Variants in INTS8 observed in about 807,000 individuals in gnomAD.
INTS8 encodes protein kaonashi-1.
A neutral mutation model predicts 138.9 loss-of-function variants in INTS8; 47 were observed. The observed-to-expected ratio is 0.34, with a 90% CI of 0.27 to 0.43. The LOEUF (loss-of-function observed/expected upper bound fraction) is 0.43, where lower values mean the gene tolerates loss of function less well. INTS8 is among the 20% of genes least tolerant of loss of function. The probability of loss-of-function intolerance (pLI) is 1.00; values close to 1 mark genes in which losing one functional copy is unlikely to be tolerated. For missense variants in INTS8, 996 were observed against 1,173.0 expected (o/e 0.85, Z 2.20); for synonymous variants, 392 against 400.9 (o/e 0.98, Z 0.27).
intron 3 of INTS8, 103 bp from the exon 4 acceptor site, chr8:94,827,618 AT>A: frequency 9.1e-7 from 1 of 1,099,122 alleles, no homozygotes. Flanking sequence ...CCATGTGTCA[AT>A]TAATGCTTCA....
At chr8:94,853,644 T>C in intron 13 of INTS8, 161 bp from the exon 14 acceptor site, 2 of 489,056 alleles carry the variant, frequency 4.1e-6, no homozygotes, top group Non-Finnish European at 3.7e-6. Flanking sequence ...AATGTGTTCA[T>C]TTTCGTTAGT....
chr8:94,865,033 A>G (rs984088094), intron 16 of INTS8, among the ~76,000 whole-genome samples: 7 of 151,682 alleles, frequency 4.6e-5, no homozygotes, highest in East Asian at 1.9e-4. Flanking sequence ...TTTAGTGATT[A>G]AAAGTTGTAT....
chr8:94,836,254 G>C lies in INTS8; in HGVS notation c.754-270G>C, dbSNP rs116284454. On this transcript the variant is annotated intron_variant, in intron 6 of 26. Coordinates refer to ENST00000523731, the MANE Select transcript of INTS8 (RefSeq NM_017864.4). ...CTCATCCTGACTGCATGCCTCCTTTGCCCTTTTTTCTAGTCAGATTCTTTA... is the reference window on the plus strand; with the variant it reads ...CTCATCCTGACTGCATGCCTCCTTTCCCCTTTTTTCTAGTCAGATTCTTTA... Among the ~76,000 whole-genome samples the C allele has an allele frequency of 6.6e-3, 998 of 152,144 alleles. 8 individuals are homozygous for C. Among genetic ancestry groups the C allele is most frequent in the African/African-American group, 0.023 (938 of 41,502 alleles).
rs370047374 is a variant in INTS8 at position 94,851,684 on chromosome 8, A to G, written c.1639A>G (p.Lys547Glu). Residue 547 changes from lysine (K) to glutamate (E), a missense_variant and splice_region_variant, in exon 13 of 27, where the codon AAG becomes GAG. Physicochemically the swap from Lys to Glu is moderately conservative, Grantham distance 56. Transcript: ENST00000523731. ...SERQFWTVSNKWEVPSVYSGV... is the reference protein window; with the variant it reads ...SERQFWTVSNEWEVPSVYSGV... ...GCGCCAGTTCTGGACAGTGTCTAAT[A>G]AGGTAAACCCTATGTCAAGAACAGA... 2.0e-4 allele frequency: 312 copies of G among 1,586,494 alleles called. 1 individual carries two copies. Among genetic ancestry groups the G allele is most frequent in the Non-Finnish European group, 2.5e-4 (295 of 1,171,938 alleles).
At chr8:94,849,680 T>C in intron 11 of INTS8, 148 bp downstream of exon 11, 1 of 618,396 alleles carries the variant, frequency 1.6e-6, no homozygotes, top group South Asian at 2.4e-5. Flanking sequence ...AGTTCAAATT[T>C]GTATAGCCAC....
In INTS8 at chr8:94,832,048, C is replaced by G. The variant is rs140588875; in HGVS notation, c.627C>G (p.Asn209Lys). The G allele has an allele frequency of 1.9e-6, 3 of 1,613,040 alleles. No individual in the cohort carries two copies. The highest frequency in any genetic ancestry group is 2.5e-6 in the Non-Finnish European group (3 of 1,179,668). Residue 209 changes from asparagine (N) to lysine (K), a missense_variant, in exon 6 of 27, where the codon AAC becomes AAG. Physicochemically the swap from Asn to Lys is moderately conservative, Grantham distance 94 (BLOSUM62 0). Transcript: ENST00000523731. ...ILVLEAALKLNKDLYVHTMRT... is the reference protein window; with the variant it reads ...ILVLEAALKLKKDLYVHTMRT... ...TACTAGAAGCAGCCCTAAAATTAAA[C>G]AAGGATCTTTATGTCCATACGATGA... is the stretch of plus-strand genomic sequence containing the variant.
chr8:94,835,198 C>T (rs575873008), intron 6 of INTS8, among the ~76,000 whole-genome samples: 3 of 152,238 alleles, frequency 2.0e-5, no homozygotes, highest in Admixed American at 1.3e-4. Context: ...ATATTACGAG[C>T]TTAGGAATCT....
chr8:94,826,678 G>A (rs1001458272), intron 2 of INTS8, among the ~76,000 whole-genome samples: 3 of 152,206 alleles, frequency 2.0e-5, no homozygotes, highest in African/African-American at 7.2e-5. Context: ...AATGATTTGG[G>A]AAGTGGGGAA....
intron 26 of INTS8, chr8:94,876,731 C>T: frequency 2.5e-6 from 1 of 404,264 alleles, no homozygotes; most frequent in South Asian, 5.0e-5. Context: ...CTTCTCATCT[C>T]ATACAAAGTT....
At chr8:94,844,556 A>T (rs1168245134) in intron 10 of INTS8, among the ~76,000 whole-genome samples, 1 of 151,964 alleles carries the variant, frequency 6.6e-6, no homozygotes, top group Non-Finnish European at 1.5e-5. Context: ...ACCTCAAGTG[A>T]TCCACCCACT....
intron 18 of INTS8, 79 bp downstream of exon 18, chr8:94,866,270 A>T (rs758375314): frequency 6.5e-6 from 5 of 766,976 alleles, no homozygotes; most frequent in Admixed American, 5.6e-5. Flanking sequence ...GGTACTTCAA[A>T]TACTGACTAA....
intron 14 of INTS8, among the ~76,000 whole-genome samples, chr8:94,856,041 GCAATACTAGGTC>G (rs1240616032): frequency 2.0e-5 from 3 of 152,196 alleles, no homozygotes; most frequent in African/African-American, 7.2e-5. Flanking sequence ...CCTAGGGAAT[GCAATACTAGGTC>G]CAAGAAATAG....
intron 12 of INTS8, among the ~76,000 whole-genome samples, chr8:94,851,007 T>C (rs1423933023): frequency 6.6e-6 from 1 of 152,160 alleles, no homozygotes. Context: ...TGTCCAGTTG[T>C]AAAGGAAAAG....
chr8:94,830,335 A>G (rs1308631252), intron 5 of INTS8, among the ~76,000 whole-genome samples: 5 of 152,218 alleles, frequency 3.3e-5, no homozygotes, highest in Admixed American at 2.6e-4. Context: ...TGAGGAGAGA[A>G]AAAGGTAAGA....
intron 5 of INTS8, among the ~76,000 whole-genome samples, chr8:94,831,340 C>T (rs1395288547): frequency 6.6e-6 from 1 of 152,052 alleles, no homozygotes; most frequent in African/African-American, 2.4e-5. Context: ...TCTCGAACCC[C>T]TGGCCACAGA....
At chr8:94,875,958 T>C in intron 23 of INTS8, 116 bp from the exon 24 acceptor site, 2 of 734,288 alleles carry the variant, frequency 2.7e-6, no homozygotes, top group Non-Finnish European at 4.8e-6. Flanking sequence ...ATGGAATCCA[T>C]AACTATGAGC....
chr8:94,838,416 G>C (rs1405114330), intron 7 of INTS8, 47 bp from the exon 8 acceptor site: 19 of 1,487,794 alleles, frequency 1.3e-5, no homozygotes, highest in Non-Finnish European at 1.7e-5. Context: ...CTAGACTATT[G>C]TTTATATTAC....
chr8:94,869,291 A>G (rs1816301419), intron 20 of INTS8, among the ~76,000 whole-genome samples: 1 of 151,166 alleles, frequency 6.6e-6, no homozygotes, highest in Non-Finnish European at 1.5e-5. Flanking sequence ...CCAGTTTTGC[A>G]TTTTTTAATT....
rs1030444427 is a variant in INTS8, at chr8:94,866,289, T to C, written c.2295+98T>C. 5.4e-6 allele frequency: 4 copies of C among 738,452 alleles called. No individual in the cohort carries two copies. In the African/African-American group the frequency reaches 7.0e-5, roughly 13 times the overall value. 45.7% of individuals were successfully genotyped at this position (738,452 alleles called of 1,614,324 possible). A position where few individuals can be genotyped will look rare whatever the true frequency, so the allele number is the denominator to read the frequency against. ...CTTCAAATACTGACTAAATTATTAT[T>C]TGTTTTTTAATTTTTTTTTAAGGGA... On this transcript the variant is annotated intron_variant, in intron 18 of 26. Transcript: ENST00000523731.
Sources: allele counts gnomAD v4.1 joint callset (sites outside exome capture counted in the v4.1 genomes callset), GRCh38; gene constraint gnomAD v4.1.1; transcripts MANE v1.5; gene names NCBI Gene and HGNC (gene_info 2026-07-23, HGNC 2026-07-21).